The following FNDC3A variants were observed in gnomAD, a reference collection of about 807,000 sequenced individuals.
FNDC3A encodes fibronectin type-III domain-containing protein 3A.
A neutral mutation model predicts 148.9 loss-of-function variants in FNDC3A; 32 were observed. That is an observed-to-expected ratio of 0.21 (90% CI 0.16 to 0.29). FNDC3A has a LOEUF of 0.29. Ranked by LOEUF, FNDC3A falls within the 10% of genes least tolerant of loss-of-function variation. The pLI, the probability that FNDC3A is intolerant of heterozygous loss-of-function variation, is 1.00. For synonymous variants in FNDC3A, 472 were observed against 473.6 expected (o/e 1.00, Z 0.04); for missense variants, 1,191 against 1,452.8 (o/e 0.82, Z 2.93).
chr13:49,114,822 T>A, intron 4 of FNDC3A, 91 bp downstream of exon 4: 1 of 910,632 alleles, frequency 1.1e-6, no homozygotes, highest in Non-Finnish European at 1.8e-6. Context: ...AAAAACCATT[T>A]AATTACTGAG....
chr13:49,170,257 A>G (rs1024595025), intron 10 of FNDC3A, among the ~76,000 whole-genome samples: 1 of 152,190 alleles, frequency 6.6e-6, no homozygotes, highest in Non-Finnish European at 1.5e-5. Flanking sequence ...AGGATTAAAC[A>G]GGTAACATCT....
intron 2 of FNDC3A, among the ~76,000 whole-genome samples, chr13:49,049,028 C>T (rs964740225): frequency 1.3e-5 from 2 of 152,078 alleles, no homozygotes; most frequent in African/African-American, 4.8e-5. Flanking sequence ...TAAAGGGGTG[C>T]TGGATTTTGT....
intron 11 of FNDC3A, among the ~76,000 whole-genome samples, chr13:49,172,474 G>C (rs1884806159): frequency 6.6e-6 from 1 of 151,972 alleles, no homozygotes; most frequent in Non-Finnish European, 1.5e-5. Context: ...AGTTTCTCTG[G>C]GACAAAATCA....
Position 49,188,567 on chromosome 13 carries a change from T to C in FNDC3A, c.1878T>C (p.Asp626=). The change falls in exon 17 of 26, where the codon GAT becomes GAC. Residue 626 remains aspartate (D), a synonymous_variant. Coordinates refer to ENST00000492622, the MANE Select transcript of FNDC3A (RefSeq NM_001079673.2). ...YSGATREHLC[D]RLNPGCFYRL... ...GTGCTACCAGGGAACATCTTTGTGA[T>C]CGACTGAATCCAGGCTGTTTCTATC... is the stretch of plus-strand genomic sequence containing the variant. The C allele has an allele frequency of 6.2e-7, 1 of 1,614,094 alleles. No homozygotes were observed. The highest frequency in any genetic ancestry group is 8.5e-7 in the Non-Finnish European group (1 of 1,179,928).
At chr13:49,103,859 G>A (rs1880006135) in intron 3 of FNDC3A, among the ~76,000 whole-genome samples, 2 of 152,164 alleles carry the variant, frequency 1.3e-5, no homozygotes, top group East Asian at 1.9e-4. Context: ...TGTAAATTAA[G>A]TATTATAGAT....
chr13:49,012,309 TTC>T (rs904091571), intron 2 of FNDC3A, among the ~76,000 whole-genome samples: 4 of 152,194 alleles, frequency 2.6e-5, no homozygotes, highest in African/African-American at 9.6e-5. Flanking sequence ...GAGATGGGGT[TTC>T]ACTGTGTTAG....
rs78413186 is a variant in FNDC3A at position 49,035,188 on chromosome 13, T to C, written c.99+28899T>C. Among the ~76,000 whole-genome samples the C allele has an allele frequency of 5.3e-3, 804 of 152,160 alleles. 16 individuals are homozygous for C. The East Asian group carries it at 0.066, about 13-fold the overall frequency. ...TTGCCAACCCACACATGTGTATAAG[T>C]TCAATGAGCTACATGGCACCCATGT... On this transcript the variant is annotated intron_variant, in intron 2 of 25. Coordinates refer to ENST00000492622, the MANE Select transcript of FNDC3A (RefSeq NM_001079673.2).
At chr13:49,084,765 T>TA (rs1878694991) in intron 3 of FNDC3A, among the ~76,000 whole-genome samples, 1 of 152,266 alleles carries the variant, frequency 6.6e-6, no homozygotes, top group African/African-American at 2.4e-5. Context: ...AGAAGTCCTA[T>TA]TGCTAACCTT....
chr13:49,179,595 T>C (rs1885205994), intron 14 of FNDC3A, among the ~76,000 whole-genome samples: 1 of 152,206 alleles, frequency 6.6e-6, no homozygotes, highest in South Asian at 2.1e-4. Flanking sequence ...CATTAGTTGG[T>C]ATTATACTGT....
intron 2 of FNDC3A, among the ~76,000 whole-genome samples, chr13:49,059,845 T>G (rs553455231): frequency 1.8e-4 from 27 of 152,274 alleles, no homozygotes; most frequent in African/African-American, 6.3e-4. Flanking sequence ...GCCAGTCCAA[T>G]TAAAACTGGG....
At position 49,096,278 on chromosome 13, in the gene FNDC3A, T is replaced by C. The variant is rs573859739; in HGVS notation, c.176-18377T>C. Among the ~76,000 whole-genome samples the C allele has an allele frequency of 3.3e-5, 5 of 152,244 alleles. No homozygotes were observed. In the South Asian group the frequency reaches 8.3e-4, roughly 25 times the overall value. Reference sequence around the variant, plus strand: ...TCTATGGCTCCAGAGGTTAAAATTATGACTCTACCAGAGTTGAGTAGAGTT... The same window carrying C: ...TCTATGGCTCCAGAGGTTAAAATTACGACTCTACCAGAGTTGAGTAGAGTT... On this transcript the variant is annotated intron_variant, in intron 3 of 25. Coordinates refer to ENST00000492622, the MANE Select transcript of FNDC3A (RefSeq NM_001079673.2).
intron 2 of FNDC3A, among the ~76,000 whole-genome samples, chr13:49,011,589 G>C (rs1952347339): frequency 6.6e-6 from 1 of 152,070 alleles, no homozygotes; most frequent in South Asian, 2.1e-4. Context: ...AGATTTACCA[G>C]TTCTTTTCTT....
chr13:49,070,537 T>C (rs536960764), intron 2 of FNDC3A, among the ~76,000 whole-genome samples: 2 of 152,354 alleles, frequency 1.3e-5, no homozygotes, highest in Admixed American at 1.3e-4. Context: ...ATAATTGGGA[T>C]ATCTGTCATC....
At chr13:49,020,124 CTATT>C (rs1422645672) in intron 2 of FNDC3A, among the ~76,000 whole-genome samples, 1 of 152,098 alleles carries the variant, frequency 6.6e-6, no homozygotes, top group East Asian at 1.9e-4. Context: ...TTAATAAGAA[CTATT>C]TAAGCACTTA....
chr13:49,187,250 T>C (rs931812560), intron 16 of FNDC3A, 60 bp downstream of exon 16: 1 of 1,201,312 alleles, frequency 8.3e-7, no homozygotes, highest in Non-Finnish European at 1.2e-6. Context: ...CTATTCTTTA[T>C]GGCTTTACAT....
intron 2 of FNDC3A, among the ~76,000 whole-genome samples, chr13:49,063,741 C>G (rs905465399): frequency 6.6e-6 from 1 of 152,154 alleles, no homozygotes; most frequent in African/African-American, 2.4e-5. Context: ...ATACTCACGT[C>G]TCTCTGGGCC....
At chr13:49,202,615 A>G (rs756177626) in intron 24 of FNDC3A, among the ~76,000 whole-genome samples, 12 of 152,090 alleles carry the variant, frequency 7.9e-5, no homozygotes, top group Non-Finnish European at 1.5e-4. Context: ...AAACAGCAGA[A>G]CTCTTCTTGA....
chr13:49,143,905 G>A lies in FNDC3A; in HGVS notation c.820-1873G>A, dbSNP rs375567992. Among the ~76,000 whole-genome samples, 145 of 151,966 alleles carry A rather than the reference G, an allele frequency of 9.5e-4. 1 individual carries two copies. Among genetic ancestry groups the A allele is most frequent in the African/African-American group, 3.4e-3 (139 of 41,450 alleles). The stretch of plus-strand genomic sequence containing the variant: ...CACACCTGTAATTCCAACACTTTGG[G>A]AGGCTGAGGCGGGAGGGTGGCTTGA... On this transcript the variant is annotated intron_variant, in intron 7 of 25. Transcript: ENST00000492622.
intron 2 of FNDC3A, among the ~76,000 whole-genome samples, chr13:49,025,513 A>G (rs1873640972): frequency 6.6e-6 from 1 of 152,116 alleles, no homozygotes; most frequent in Non-Finnish European, 1.5e-5. Context: ...TGACCACTTA[A>G]TAGCCTATAT....
Sources: gnomAD v4.1 joint callset for allele counts (sites outside exome capture counted in the v4.1 genomes callset) on GRCh38, gnomAD v4.1.1 for gene constraint, MANE v1.5 for transcripts, NCBI Gene and HGNC (gene_info 2026-07-23, HGNC 2026-07-21) for gene names.